Variants in ATAT1 observed in about 807,000 individuals in gnomAD.
ATAT1 encodes alpha tubulin acetyltransferase 1.
ATAT1 carries 42 observed loss-of-function variants against 57.2 expected under a neutral mutation model. The observed-to-expected ratio is 0.73, with a 90% CI of 0.57 to 0.95. The LOEUF is 0.95. ATAT1 is among the 40% of genes least tolerant of loss of function. The pLI, the probability that ATAT1 is intolerant of heterozygous loss-of-function variation, is 0.00. For missense variants in ATAT1, 454 were observed against 523.7 expected, an observed-to-expected ratio of 0.87 and a Z score of 1.30; for synonymous variants, 168 against 187.1, an observed-to-expected ratio of 0.90 and a Z score of 0.83.
chr6:30,642,959 C>A lies in ATAT1; in HGVS notation c.880C>A (p.Leu294Ile), dbSNP rs1281645167. Residue 294 changes from leucine to isoleucine, a missense_variant, in exon 10 of 13, where the codon CTT (leucine) becomes ATT (isoleucine). This residue lies in a region of ATAT1 where 216 missense variants were observed against 222.2 expected (regional missense o/e 0.97). Coordinates refer to ENST00000330083, the MANE Select transcript of ATAT1 (RefSeq NM_001031722.4). ...CTGCCCCCCACACCCTACCGCCCGC[C>A]TTCTGTTGGCTGCTGACCCTGGGGG... The A allele has an allele frequency of 1.2e-6, 2 of 1,614,092 alleles. No individual in the cohort carries two copies. Among genetic ancestry groups the A allele is most frequent in the African/African-American group, 1.3e-5 (1 of 75,042 alleles).
At chr6:30,640,839 C>T in intron 8 of ATAT1, 1 of 587,888 alleles carries the variant, frequency 1.7e-6, no homozygotes, top group East Asian at 2.8e-5. Flanking sequence ...TATCAATGGA[C>T]CCTCTTGCCA....
intron 8 of ATAT1, among the ~76,000 whole-genome samples, chr6:30,640,988 A>C (rs1765285099): frequency 6.6e-6 from 1 of 152,130 alleles, no homozygotes; most frequent in East Asian, 1.9e-4. Context: ...CCAAAATTTA[A>C]ATGTTACTTT....
chr6:30,628,225 C>A, intron 5 of ATAT1, 80 bp downstream of exon 5: 1 of 1,524,272 alleles, frequency 6.6e-7, no homozygotes, highest in Non-Finnish European at 9.1e-7. Context: ...TGCCTCCCAC[C>A]CCCCATGTTC....
chr6:30,644,583 C>G lies in ATAT1; in HGVS notation c.933-1312C>G, dbSNP rs1050526076. ...CTCCCCATCTCCCCTACTCACTCTT[C>G]CCTTTTCTTCTCTCAGTGTTGTCTG... On this transcript the variant is annotated intron_variant, in intron 10 of 12. Transcript: ENST00000330083. 4 of 985,402 alleles carry G rather than the reference C, an allele frequency of 4.1e-6. No individual in the cohort carries two copies. In the African/African-American group the frequency reaches 7.0e-5, roughly 17 times the overall value. 61.0% of individuals were successfully genotyped at this position (985,402 alleles called of 1,614,324 possible).
At chr6:30,639,631 C>T (rs1363377677) in intron 6 of ATAT1, among the ~76,000 whole-genome samples, 1 of 152,004 alleles carries the variant, frequency 6.6e-6, no homozygotes, top group African/African-American at 2.4e-5. Flanking sequence ...CGCCCGCCAC[C>T]ACATCCGGCT....
At chr6:30,640,735 CTGTT>C (rs1765237097) in intron 8 of ATAT1, 132 bp downstream of exon 8, 1 of 1,035,742 alleles carries the variant, frequency 9.7e-7, no homozygotes, top group Admixed American at 2.3e-5. Context: ...GCAGTCATGA[CTGTT>C]TGCCTTTGCC....
intron 10 of ATAT1, 111 bp from the exon 11 acceptor site, chr6:30,645,784 C>T: frequency 1.4e-6 from 1 of 727,756 alleles, no homozygotes; most frequent in Non-Finnish European, 2.1e-6. Flanking sequence ...ATAATTACCC[C>T]CTTCTCTTTG....
At chr6:30,640,248 T>C in intron 6 of ATAT1, 129 bp from the exon 7 acceptor site, 5 of 955,240 alleles carry the variant, frequency 5.2e-6, no homozygotes, top group Non-Finnish European at 8.1e-6. Context: ...TTGTAGGCTA[T>C]AGTGTCTAGG....
At chr6:30,642,309 C>T (rs1157875497) in intron 9 of ATAT1, 62 bp downstream of exon 9, 5 of 1,602,450 alleles carry the variant, frequency 3.1e-6, no homozygotes, top group Non-Finnish European at 4.3e-6. Flanking sequence ...GAAGAGAATG[C>T]TCAGGGGACC....
intron 8 of ATAT1, among the ~76,000 whole-genome samples, chr6:30,641,570 G>C (rs1303109634): frequency 6.6e-6 from 1 of 152,124 alleles, no homozygotes; most frequent in Non-Finnish European, 1.5e-5. Flanking sequence ...AGTGAGGAGG[G>C]GGAGGCTGAA....
In ATAT1 at chr6:30,640,410, G is replaced by A. The variant is rs1172647585; in HGVS notation, c.535G>A (p.Ala179Thr). 6.2e-7 allele frequency: 1 copy of A among 1,612,978 alleles called. No individual in the cohort carries two copies. The highest frequency in any genetic ancestry group is 8.5e-7 in the Non-Finnish European group (1 of 1,180,018). ...CTTTGTGATCTTTGAAGGCTTCTTTGCCCATCAACATCGTAAGTTTTTGCA... is the reference window on the plus strand; with the variant it reads ...CTTTGTGATCTTTGAAGGCTTCTTTACCCATCAACATCGTAAGTTTTTGCA... The change falls in exon 7 of 13, where the codon GCC becomes ACC. Residue 179 changes from alanine (A) to threonine (T), a missense_variant. Physicochemically the swap from Ala to Thr is moderately conservative, Grantham distance 58. Around this residue, in one of 3 missense-constraint regions of ATAT1, gnomAD observed 236 missense variants for 284.5 expected, o/e 0.83. Transcript: ENST00000330083.
At position 30,642,833 on chromosome 6, in the gene ATAT1, G is replaced by GGGGGGGGGGGCGGCC; in HGVS notation, c.754_755insGGGGGGGGGGCGGCC (p.Ala252delinsGlyGlyGlyGlyGlyPro). 2 of 1,537,878 alleles carry GGGGGGGGGGGCGGCC rather than the reference G, an allele frequency of 1.3e-6. No homozygotes were observed. Among genetic ancestry groups the GGGGGGGGGGGCGGCC allele is most frequent in the Non-Finnish European group, 1.7e-6 (2 of 1,145,784 alleles). On this transcript the variant is annotated protein_altering_variant, in exon 10 of 13. Coordinates refer to ENST00000330083, the MANE Select transcript of ATAT1 (RefSeq NM_001031722.4). ...GGCCCCTCGCCGCGCCACACCTCCA[G>GGGGGGGGGGGCGGCC]CCCACCCACCCCCCCGCTCCAGCAG...
At chr6:30,641,708 AT>A in intron 8 of ATAT1, 6 of 851,524 alleles carry the variant, frequency 7.0e-6, no homozygotes, top group Non-Finnish European at 8.5e-6. Flanking sequence ...GGAAGGAGAG[AT>A]TGTGCCCTCC....
At chr6:30,644,719 G>A in intron 10 of ATAT1, 3 of 812,634 alleles carry the variant, frequency 3.7e-6, no homozygotes, top group Non-Finnish European at 4.5e-6. Context: ...TATTTTCCTG[G>A]GATCTCAGGA....
intron 10 of ATAT1, chr6:30,643,686 T>C: frequency 6.6e-7 from 1 of 1,505,174 alleles, no homozygotes; most frequent in Non-Finnish European, 8.9e-7. Context: ...CCCATAGGAT[T>C]CCCTCTTCTA....
rs1766794479 is a variant in ATAT1, at chr6:30,646,670, G to A, written c.*27G>A. ...CGCAGCCCCGTCAAACATCTTCAAA[G>A]TATTATTTCTCCCTCACTACAGGAA... On this transcript the variant is annotated 3_prime_UTR_variant, in exon 13 of 13. Coordinates refer to ENST00000330083, the MANE Select transcript of ATAT1 (RefSeq NM_001031722.4). 1 of 1,518,680 alleles carries A rather than the reference G, an allele frequency of 6.6e-7. No homozygotes were observed. The highest frequency in any genetic ancestry group is 2.5e-5 in the East Asian group (1 of 40,536). 94.1% of individuals were successfully genotyped at this position (1,518,680 alleles called of 1,614,324 possible).
intron 6 of ATAT1, among the ~76,000 whole-genome samples, chr6:30,629,021 C>T (rs1324622459): frequency 6.6e-6 from 1 of 151,972 alleles, no homozygotes; most frequent in Non-Finnish European, 1.5e-5. Flanking sequence ...CTCCCTTAGC[C>T]TCCTGAGTAG....
At chr6:30,628,172 T>C (rs557193371) in intron 5 of ATAT1, 27 bp downstream of exon 5, 11 of 1,598,476 alleles carry the variant, frequency 6.9e-6, no homozygotes, top group Middle Eastern at 1.7e-4. Context: ...CACTGGTTCA[T>C]CCAAACTAGG....
intron 6 of ATAT1, among the ~76,000 whole-genome samples, chr6:30,638,784 G>C (rs542334745): frequency 2.0e-5 from 3 of 152,320 alleles, no homozygotes; most frequent in South Asian, 2.1e-4. Flanking sequence ...GCCAAGCGAA[G>C]CCATGTCTCC....
Sources: gnomAD v4.1 joint callset for allele counts (sites outside exome capture counted in the v4.1 genomes callset) on GRCh38, gnomAD v4.1.1 for gene constraint, gnomAD v4.1.1 regional missense constraint, MANE v1.5 for transcripts, NCBI Gene and HGNC (gene_info 2026-07-23, HGNC 2026-07-21) for gene names.